The following SKIC3 variants were observed in gnomAD, a reference collection of about 807,000 sequenced individuals.
SKIC3 encodes superkiller complex protein 3.
chr5:95,515,002 A>G, the SKIC3 span: 4 of 1,399,700 alleles, frequency 2.9e-6, no homozygotes, highest in Non-Finnish European at 4.0e-6. Context: ...AAAGCATAAA[A>G]TAAGTCAAAC....
the SKIC3 span, among the ~76,000 whole-genome samples, chr5:95,538,219 T>C: frequency 2.0e-5 from 3 of 152,138 alleles, no homozygotes; most frequent in Non-Finnish European, 4.4e-5. Context: ...GATATTCTGG[T>C]AACCTACATT....
the SKIC3 span, among the ~76,000 whole-genome samples, chr5:95,541,116 G>A: frequency 1.3e-4 from 20 of 151,988 alleles, no homozygotes; most frequent in Non-Finnish European, 2.2e-4. Flanking sequence ...ACAGGCATGC[G>A]CCACCATGCC....
the SKIC3 span, chr5:95,495,279 C>T: frequency 4.7e-6 from 2 of 429,994 alleles, no homozygotes; most frequent in South Asian, 5.8e-5. Flanking sequence ...ATAATTTTAC[C>T]AACGAAATGT....
At chr5:95,551,618 C>A in the SKIC3 span, among the ~76,000 whole-genome samples, 3 of 152,188 alleles carry the variant, frequency 2.0e-5, no homozygotes, top group Admixed American at 6.5e-5. Flanking sequence ...CCTCCTCACC[C>A]AATCTAGTTT....
At chr5:95,536,936 T>C in the SKIC3 span, 1 of 1,612,166 alleles carries the variant, frequency 6.2e-7, no homozygotes. Context: ...CTTGAAAATA[T>C]AAAAGCAAAA....
At chr5:95,553,790 C>T in the SKIC3 span, among the ~76,000 whole-genome samples, 1 of 152,200 alleles carries the variant, frequency 6.6e-6, no homozygotes, top group Non-Finnish European at 1.5e-5. Context: ...AACCCCTAAC[C>T]TTCGGTGATC....
At chr5:95,516,669 C>T in the SKIC3 span, 2 of 1,613,230 alleles carry the variant, frequency 1.2e-6, no homozygotes, top group Non-Finnish European at 1.7e-6. Context: ...ACTCAATTCT[C>T]ACCACTGTAA....
the SKIC3 span, among the ~76,000 whole-genome samples, chr5:95,504,723 G>A: frequency 6.6e-6 from 1 of 151,956 alleles, no homozygotes; most frequent in African/African-American, 2.4e-5. Context: ...AGAGGAAGCC[G>A]GGCACAGTGG....
chr5:95,498,496 T>C, the SKIC3 span: 1 of 1,614,250 alleles, frequency 6.2e-7, no homozygotes, highest in Non-Finnish European at 8.5e-7. Context: ...CAGTAACTCA[T>C]TAAGTGCTGC....
At chr5:95,525,377 G>A in the SKIC3 span, 7 of 1,605,158 alleles carry the variant, frequency 4.4e-6, no homozygotes, top group Admixed American at 5.0e-5. Flanking sequence ...ATGGTTCTAT[G>A]AGCAATTTAT....
At chr5:95,494,623 C>T in the SKIC3 span, 3 of 1,547,740 alleles carry the variant, frequency 1.9e-6, no homozygotes, top group African/African-American at 1.4e-5. Flanking sequence ...CCCCCACTTA[C>T]AAAATATGTA....
chr5:95,517,467 T>A, the SKIC3 span: 1 of 914,872 alleles, frequency 1.1e-6, no homozygotes, highest in African/African-American at 1.7e-5. Flanking sequence ...ATCACCTCCC[T>A]AATAGGAAGG....
At chr5:95,533,179 C>T in the SKIC3 span, among the ~76,000 whole-genome samples, 3 of 152,080 alleles carry the variant, frequency 2.0e-5, no homozygotes, top group Admixed American at 2.0e-4. Context: ...CAGATGACAA[C>T]TGTGAAAGCC....
the SKIC3 span, among the ~76,000 whole-genome samples, chr5:95,473,789 C>T: frequency 6.6e-6 from 1 of 152,096 alleles, no homozygotes; most frequent in East Asian, 1.9e-4. Context: ...GATTTACGTT[C>T]CTTATTGATT....
the SKIC3 span, chr5:95,547,146 G>C: frequency 1.2e-6 from 2 of 1,612,602 alleles, no homozygotes; most frequent in African/African-American, 2.7e-5. Flanking sequence ...TTCCTTGCTG[G>C]ACATTCTGTC....
chr5:95,490,995 C>A, the SKIC3 span: 1 of 1,613,996 alleles, frequency 6.2e-7, no homozygotes, highest in Non-Finnish European at 8.5e-7. Flanking sequence ...TTATCATCAG[C>A]GTGACAGGCT....
chr5:95,481,858 G>A, the SKIC3 span, among the ~76,000 whole-genome samples: 3,411 of 152,232 alleles, frequency 0.022, 44 homozygotes, highest in Non-Finnish European at 0.029. Context: ...GATAATAAGC[G>A]TCTATAAATC....
chr5:95,523,580 T>A, the SKIC3 span: 23 of 1,494,264 alleles, frequency 1.5e-5, 1 homozygote, highest in East Asian at 2.2e-4. Context: ...CTTTCAAGTA[T>A]ACATATATAA....
chr5:95,524,414 G>A, the SKIC3 span: 1 of 1,607,134 alleles, frequency 6.2e-7, no homozygotes, highest in South Asian at 1.1e-5. Context: ...TATTATTTAT[G>A]ATTTTATAAT....
Sources: gnomAD v4.1 joint callset for allele counts (sites outside exome capture counted in the v4.1 genomes callset) on GRCh38, gnomAD v4.1.1 for gene constraint, MANE v1.5 for transcripts, NCBI Gene and HGNC (gene_info 2026-07-23, HGNC 2026-07-21) for gene names.